The following ZNG1C variants were observed in gnomAD, a reference collection of about 807,000 sequenced individuals.
ZNG1C encodes Zn regulated GTPase metalloprotein activator 1C, also known as zinc-regulated GTPase metalloprotein activator 1C.
chr9:68,287,594 G>A, the ZNG1C span, among the ~76,000 whole-genome samples: 1 of 152,304 alleles, frequency 6.6e-6, no homozygotes, highest in Non-Finnish European at 1.5e-5. Flanking sequence ...ACGTGCATAA[G>A]AGTAGAATAG....
chr9:68,284,941 C>T, the ZNG1C span, among the ~76,000 whole-genome samples: 1 of 147,584 alleles, frequency 6.8e-6, no homozygotes, highest in Non-Finnish European at 1.5e-5. Flanking sequence ...TTTAGGCAGT[C>T]ATTGTCCAAC....
the ZNG1C span, among the ~76,000 whole-genome samples, chr9:68,281,563 A>G: frequency 3.2e-4 from 32 of 100,186 alleles, 1 homozygote; most frequent in Admixed American, 3.5e-3. Context: ...TATAGGCATG[A>G]GAATGTGCAG....
the ZNG1C span, among the ~76,000 whole-genome samples, chr9:68,245,693 G>T: frequency 1.7e-5 from 2 of 117,398 alleles, no homozygotes; most frequent in East Asian, 4.2e-4. Context: ...TCTGTCTCCC[G>T]GGTTAAAGTG....
chr9:68,291,697 G>T, the ZNG1C span, among the ~76,000 whole-genome samples: 1 of 147,718 alleles, frequency 6.8e-6, no homozygotes, highest in Admixed American at 6.8e-5. Context: ...TAGTCTGCTT[G>T]TACTTCTCTT....
the ZNG1C span, among the ~76,000 whole-genome samples, chr9:68,247,435 G>T: frequency 6.6e-6 from 1 of 151,446 alleles, no homozygotes; most frequent in Non-Finnish European, 1.5e-5. Flanking sequence ...TTAAATAAAA[G>T]CTAAAATAAT....
chr9:68,292,034 C>T, the ZNG1C span, among the ~76,000 whole-genome samples: 1 of 152,000 alleles, frequency 6.6e-6, no homozygotes, highest in East Asian at 1.9e-4. Flanking sequence ...CCAGTACCAG[C>T]CTGGAGCCTG....
the ZNG1C span, among the ~76,000 whole-genome samples, chr9:68,244,641 G>A: frequency 2.2e-5 from 3 of 136,484 alleles, no homozygotes; most frequent in Non-Finnish European, 4.7e-5. Flanking sequence ...ACAATACTAT[G>A]CAGTTAGGAT....
At chr9:68,267,128 A>C in the ZNG1C span, among the ~76,000 whole-genome samples, 1 of 152,258 alleles carries the variant, frequency 6.6e-6, no homozygotes, top group African/African-American at 2.4e-5. Context: ...TTTAATGTGT[A>C]CAATGCTTTG....
At chr9:68,244,865 ATAAG>A in the ZNG1C span, among the ~76,000 whole-genome samples, 2 of 149,488 alleles carry the variant, frequency 1.3e-5, no homozygotes, top group Admixed American at 1.3e-4. Context: ...AAAGCATACT[ATAAG>A]TAGCCATATA....
chr9:68,299,149 G>T, the ZNG1C span: 34 of 1,572,490 alleles, frequency 2.2e-5, no homozygotes, highest in Admixed American at 3.5e-5. Flanking sequence ...ATTTGAAAGG[G>T]ATATCATGTG....
chr9:68,279,654 G>T, the ZNG1C span, among the ~76,000 whole-genome samples: 1 of 111,960 alleles, frequency 8.9e-6, no homozygotes, highest in Admixed American at 9.6e-5. Flanking sequence ...CTTCTGGCTT[G>T]TAGAGTTTCT....
chr9:68,281,164 C>G, the ZNG1C span, among the ~76,000 whole-genome samples: 3 of 151,550 alleles, frequency 2.0e-5, no homozygotes, highest in Non-Finnish European at 3.0e-5. Flanking sequence ...CTGTGCTTCC[C>G]AAGTGAGACA....
chr9:68,297,038 CT>C, the ZNG1C span, among the ~76,000 whole-genome samples: 1,376 of 151,180 alleles, frequency 9.1e-3, 6 homozygotes, highest in African/African-American at 0.032. Context: ...CCAAGCCTTT[CT>C]TTTGTATTTT....
the ZNG1C span, among the ~76,000 whole-genome samples, chr9:68,296,494 T>C: frequency 6.6e-6 from 1 of 152,262 alleles, no homozygotes; most frequent in East Asian, 1.9e-4. Flanking sequence ...CCTAAATTGG[T>C]CTTTAATACT....
At chr9:68,274,006 A>G in the ZNG1C span, 1 of 144,806 alleles carries the variant, frequency 6.9e-6, no homozygotes, top group African/African-American at 2.5e-5. Context: ...CACCCAGCTA[A>G]TTTTTGTATT....
the ZNG1C span, among the ~76,000 whole-genome samples, chr9:68,267,317 A>G: frequency 6.7e-6 from 1 of 148,174 alleles, no homozygotes; most frequent in East Asian, 1.9e-4. Context: ...TATTTTTTCC[A>G]CATATTTCAT....
the ZNG1C span, among the ~76,000 whole-genome samples, chr9:68,271,730 T>TA: frequency 6.7e-6 from 1 of 149,452 alleles, no homozygotes; most frequent in Admixed American, 6.8e-5. Flanking sequence ...ATAGAGAACT[T>TA]ACCACAAAGG....
the ZNG1C span, among the ~76,000 whole-genome samples, chr9:68,284,247 AC>A: frequency 7.1e-6 from 1 of 140,232 alleles, no homozygotes; most frequent in Admixed American, 7.4e-5. Context: ...GAGCCACTGA[AC>A]CCAGCAAAAT....
the ZNG1C span, chr9:68,273,904 A>G: frequency 8.2e-6 from 1 of 122,428 alleles, no homozygotes; most frequent in South Asian, 2.9e-4. Flanking sequence ...CAGTGGTGCA[A>G]TCTCGGCTCA....
Sources: gnomAD v4.1 joint callset for allele counts (sites outside exome capture counted in the v4.1 genomes callset) on GRCh38, gnomAD v4.1.1 for gene constraint, MANE v1.5 for transcripts, NCBI Gene and HGNC (gene_info 2026-07-23, HGNC 2026-07-21) for gene names.